PTPRD: variants seen among roughly 807,000 people sequenced by gnomAD.
PTPRD encodes receptor-type tyrosine-protein phosphatase delta.
A neutral mutation model predicts 214.5 loss-of-function variants in PTPRD; 34 were observed. The ratio of observed to expected loss-of-function variants is 0.16; its 90% CI spans 0.12 to 0.21. The LOEUF is 0.21. Ranked by LOEUF, PTPRD falls within the 10% of genes least tolerant of loss-of-function variation. The pLI is 1.00. For synonymous variants in PTPRD, 1,128 were observed against 845.7 expected (o/e 1.33, Z -5.79); for missense variants, 2,545 against 2,398.7 (o/e 1.06, Z -1.27).
intron 10 of PTPRD, among the ~76,000 whole-genome samples, chr9:9,139,979 C>A (rs1029410053): frequency 6.6e-6 from 1 of 151,856 alleles, no homozygotes; most frequent in African/African-American, 2.4e-5. Context: ...GTGGGAATAT[C>A]TAGTATAATT....
chr9:9,231,593 A>G (rs1247532823), intron 9 of PTPRD, among the ~76,000 whole-genome samples: 1 of 152,166 alleles, frequency 6.6e-6, no homozygotes, highest in East Asian at 1.9e-4. Flanking sequence ...TCTCTGCACT[A>G]TATATAATTA....
At chr9:9,246,179 A>G (rs979423133) in intron 9 of PTPRD, among the ~76,000 whole-genome samples, 1 of 152,052 alleles carries the variant, frequency 6.6e-6, no homozygotes, top group African/African-American at 2.4e-5. Context: ...ACTCTAGCTC[A>G]TTGTTTTTGC....
At chr9:9,927,451 G>T (rs555620429) in intron 5 of PTPRD, among the ~76,000 whole-genome samples, 2 of 152,082 alleles carry the variant, frequency 1.3e-5, no homozygotes, top group South Asian at 4.1e-4. Flanking sequence ...CCACACATCT[G>T]CCCTATTGGA....
intron 14 of PTPRD, among the ~76,000 whole-genome samples, chr9:8,581,288 A>G: frequency 6.6e-6 from 1 of 152,258 alleles, no homozygotes; most frequent in Non-Finnish European, 1.5e-5. Flanking sequence ...AGCAGAAATT[A>G]GCAATAGGTA....
At chr9:8,666,060 A>C (rs971412390) in intron 12 of PTPRD, among the ~76,000 whole-genome samples, 2 of 152,156 alleles carry the variant, frequency 1.3e-5, no homozygotes, top group Non-Finnish European at 2.9e-5. Context: ...TTCTGAATGA[A>C]AATCACTTTA....
At chr9:9,168,161 C>T (rs1423946084) in intron 10 of PTPRD, among the ~76,000 whole-genome samples, 1 of 152,118 alleles carries the variant, frequency 6.6e-6, no homozygotes, top group African/African-American at 2.4e-5. Flanking sequence ...TCTTTTCTTG[C>T]TAAAATGGCA....
chr9:9,446,611 T>A (rs908206605), intron 8 of PTPRD, among the ~76,000 whole-genome samples: 1 of 152,072 alleles, frequency 6.6e-6, no homozygotes, highest in African/African-American at 2.4e-5. Context: ...AATGTTATTG[T>A]CAATGGTGCC....
At chr9:9,650,676 T>C (rs2154372466) in intron 7 of PTPRD, among the ~76,000 whole-genome samples, 2 of 151,884 alleles carry the variant, frequency 1.3e-5, no homozygotes, top group East Asian at 3.9e-4. Context: ...AACTAACGAG[T>C]ACTAGGCTTA....
chr9:9,295,977 G>A (rs2134370485), intron 9 of PTPRD, among the ~76,000 whole-genome samples: 1 of 151,816 alleles, frequency 6.6e-6, no homozygotes, highest in South Asian at 2.1e-4. Flanking sequence ...TTTTAAAAAA[G>A]CTTCCTAATA....
chr9:10,398,110 G>A (rs1043556870), intron 2 of PTPRD, among the ~76,000 whole-genome samples: 6 of 151,458 alleles, frequency 4.0e-5, no homozygotes, highest in Admixed American at 3.3e-4. Context: ...AGGTGCAGTG[G>A]GCTCACACCT....
intron 8 of PTPRD, among the ~76,000 whole-genome samples, chr9:9,524,995 C>A (rs911107290): frequency 6.6e-5 from 10 of 152,118 alleles, no homozygotes; most frequent in African/African-American, 2.4e-4. Flanking sequence ...GTAGCGGGGA[C>A]TACAGGCGCC....
intron 10 of PTPRD, among the ~76,000 whole-genome samples, chr9:9,105,023 G>A (rs1198564797): frequency 6.6e-6 from 1 of 152,190 alleles, no homozygotes; most frequent in Non-Finnish European, 1.5e-5. Context: ...ATTAAAAGAA[G>A]AGAATTCTTC....
At chr9:10,142,046 G>C (rs1444861927) in intron 3 of PTPRD, among the ~76,000 whole-genome samples, 1 of 151,792 alleles carries the variant, frequency 6.6e-6, no homozygotes. Context: ...TTTAATAAAT[G>C]GTGCTGGGAA....
chr9:9,569,052 C>A (rs1301513924), intron 8 of PTPRD, among the ~76,000 whole-genome samples: 1 of 151,766 alleles, frequency 6.6e-6, no homozygotes, highest in Non-Finnish European at 1.5e-5. Flanking sequence ...TGCCCACTTT[C>A]TCATTTTGCT....
chr9:9,494,509 C>G (rs534472385), intron 8 of PTPRD, among the ~76,000 whole-genome samples: 234 of 152,252 alleles, frequency 1.5e-3, no homozygotes, highest in Non-Finnish European at 2.4e-3. Flanking sequence ...GAGCCTCCAC[C>G]GGCAAAATGA....
At chr9:9,589,882 G>A (rs993684888) in intron 7 of PTPRD, among the ~76,000 whole-genome samples, 1 of 151,826 alleles carries the variant, frequency 6.6e-6, no homozygotes, top group Non-Finnish European at 1.5e-5. Flanking sequence ...ACGTACACGG[G>A]GCTTGTGGGA....
intron 21 of PTPRD, among the ~76,000 whole-genome samples, chr9:8,513,308 T>C (rs1260950471): frequency 2.0e-5 from 3 of 152,078 alleles, no homozygotes; most frequent in Non-Finnish European, 4.4e-5. Context: ...TTTTCTGTAT[T>C]ACCAGAAATA....
intron 4 of PTPRD, among the ~76,000 whole-genome samples, chr9:9,943,336 G>A (rs941690867): frequency 1.3e-5 from 2 of 152,108 alleles, no homozygotes; most frequent in Admixed American, 1.3e-4. Flanking sequence ...ACAGTAGTCA[G>A]ATTAAAAGGG....
At chr9:10,562,973 T>C (rs1407960135) in intron 2 of PTPRD, among the ~76,000 whole-genome samples, 1 of 152,144 alleles carries the variant, frequency 6.6e-6, no homozygotes, top group East Asian at 1.9e-4. Flanking sequence ...AAGATTCACA[T>C]TTAAAAAAAT....
Sources: allele counts gnomAD v4.1 joint callset (sites outside exome capture counted in the v4.1 genomes callset), GRCh38; gene constraint gnomAD v4.1.1; transcripts MANE v1.5; gene names NCBI Gene and HGNC (gene_info 2026-07-23, HGNC 2026-07-21).